PLPP4: variants seen among roughly 807,000 people sequenced by gnomAD.
PLPP4 encodes the protein phospholipid phosphatase 4.
PLPP4 carries 20 observed loss-of-function variants against 32.2 expected under a neutral mutation model. That is an observed-to-expected ratio of 0.62 (90% confidence interval 0.44 to 0.90). The LOEUF (loss-of-function observed/expected upper bound fraction) is 0.90, where lower values mean the gene tolerates loss of function less well. Ranked by LOEUF, PLPP4 falls within the 40% of genes least tolerant of loss-of-function variation. The pLI is 0.00. For missense variants in PLPP4, 257 were observed against 353.1 expected (o/e 0.73, Z 2.18); for synonymous variants, 127 against 133.0 (o/e 0.95, Z 0.31).
At chr10:120,507,761 G>A (rs542818091) in intron 2 of PLPP4, among the ~76,000 whole-genome samples, 3 of 152,192 alleles carry the variant, frequency 2.0e-5, no homozygotes, top group African/African-American at 4.8e-5. Context: ...GCTAAGAAAG[G>A]GGGCAGGGAT....
chr10:120,508,586 G>A (rs753428656), intron 2 of PLPP4, among the ~76,000 whole-genome samples: 6 of 152,294 alleles, frequency 3.9e-5, no homozygotes, highest in African/African-American at 9.6e-5. Context: ...GAAGCGCCCC[G>A]GCAGTGTGGT....
chr10:120,484,599 C>T (rs987094592), intron 1 of PLPP4, among the ~76,000 whole-genome samples: 1 of 152,204 alleles, frequency 6.6e-6, no homozygotes, highest in African/African-American at 2.4e-5. Context: ...CTAATTACCT[C>T]TTAAAGTTCC....
chr10:120,567,667 G>T (rs1483498486), intron 5 of PLPP4, among the ~76,000 whole-genome samples: 1 of 150,612 alleles, frequency 6.6e-6, no homozygotes, highest in East Asian at 2.0e-4. Flanking sequence ...TCATGTTGTT[G>T]CTGTTTGTTT....
chr10:120,488,855 G>A (rs1337159203), intron 1 of PLPP4, among the ~76,000 whole-genome samples: 1 of 152,150 alleles, frequency 6.6e-6, no homozygotes, highest in Non-Finnish European at 1.5e-5. Context: ...TTCCAGTTTT[G>A]ATGCTTGTTA....
At chr10:120,494,009 C>A (rs1320193537) in intron 1 of PLPP4, among the ~76,000 whole-genome samples, 3 of 152,100 alleles carry the variant, frequency 2.0e-5, no homozygotes, top group Non-Finnish European at 4.4e-5. Context: ...TAGCAGGAAG[C>A]TGAGACTCAC....
At chr10:120,466,254 C>A (rs1259440408) in intron 1 of PLPP4, among the ~76,000 whole-genome samples, 1 of 152,068 alleles carries the variant, frequency 6.6e-6, no homozygotes, top group Non-Finnish European at 1.5e-5. Flanking sequence ...GCATGGCCCA[C>A]TTCTGATGAA....
rs1190545458 is a variant in PLPP4, at chr10:120,591,205, C to T, written c.*1703C>T. Among the ~76,000 whole-genome samples the T allele has an allele frequency of 1.2e-4, 19 of 152,164 alleles. No homozygotes were observed. On this transcript the variant is annotated 3_prime_UTR_variant, in exon 7 of 7. Coordinates refer to ENST00000398250, the MANE Select transcript of PLPP4 (RefSeq NM_001030059.3). ...TCAGAATATCTTTGATCAGCCATTT[C>T]TGTTAAGCTCCATGGGCTTAAGCTT...
intron 2 of PLPP4, among the ~76,000 whole-genome samples, chr10:120,510,532 T>TC (rs1845681856): frequency 1.3e-5 from 2 of 152,152 alleles, no homozygotes; most frequent in Non-Finnish European, 2.9e-5. Context: ...CTTCATCTGC[T>TC]CCCCTGGCTC....
At chr10:120,521,350 A>G (rs926451814) in intron 5 of PLPP4, among the ~76,000 whole-genome samples, 2 of 152,068 alleles carry the variant, frequency 1.3e-5, no homozygotes, top group Non-Finnish European at 2.9e-5. Context: ...GTGATACTTT[A>G]CCCCTGCACA....
At chr10:120,487,228 T>A (rs1441228343) in intron 1 of PLPP4, among the ~76,000 whole-genome samples, 1 of 152,220 alleles carries the variant, frequency 6.6e-6, no homozygotes. Flanking sequence ...TTGAGCGTGG[T>A]GAGAGTAACT....
intron 5 of PLPP4, among the ~76,000 whole-genome samples, chr10:120,573,004 C>T (rs1447348923): frequency 1.3e-5 from 2 of 152,180 alleles, no homozygotes; most frequent in Non-Finnish European, 2.9e-5. Context: ...TCAGACCTAA[C>T]TCTGAAATCC....
chr10:120,559,162 C>A (rs1011780632), intron 5 of PLPP4, among the ~76,000 whole-genome samples: 1 of 152,142 alleles, frequency 6.6e-6, no homozygotes, highest in African/African-American at 2.4e-5. Context: ...CATACCTGTT[C>A]ATGCCTTTTG....
chr10:120,577,348 T>C (rs919972718), intron 6 of PLPP4, among the ~76,000 whole-genome samples: 1 of 152,222 alleles, frequency 6.6e-6, no homozygotes, highest in African/African-American at 2.4e-5. Context: ...CAACCTAGGA[T>C]GTGAGGCTGG....
At chr10:120,530,742 A>C (rs955321474) in intron 5 of PLPP4, among the ~76,000 whole-genome samples, 1 of 152,102 alleles carries the variant, frequency 6.6e-6, no homozygotes, top group Non-Finnish European at 1.5e-5. Context: ...CCTTTTTACT[A>C]AATGCTTGTG....
chr10:120,513,827 G>T, intron 2 of PLPP4, 84 bp from the exon 3 acceptor site: 1 of 1,038,802 alleles, frequency 9.6e-7, no homozygotes, highest in Non-Finnish European at 1.5e-6. Context: ...GAGTCTAAAT[G>T]AAACTAACGG....
chr10:120,531,344 T>G (rs953220245), intron 5 of PLPP4, among the ~76,000 whole-genome samples: 7 of 152,128 alleles, frequency 4.6e-5, no homozygotes, highest in Non-Finnish European at 7.4e-5. Flanking sequence ...GACCTCATGA[T>G]CCGACCGCCT....
chr10:120,582,845 G>A (rs995243251), intron 6 of PLPP4, among the ~76,000 whole-genome samples: 3 of 132,318 alleles, frequency 2.3e-5, no homozygotes, highest in Non-Finnish European at 3.1e-5. Flanking sequence ...TTGTCATTGT[G>A]TCTGTGTACC....
intron 1 of PLPP4, among the ~76,000 whole-genome samples, chr10:120,464,006 C>T (rs1336598960): frequency 1.3e-5 from 2 of 152,110 alleles, no homozygotes; most frequent in African/African-American, 4.8e-5. Context: ...ATGGGGTCTA[C>T]ATTGCCTATG....
chr10:120,552,451 T>C (rs577254534), intron 5 of PLPP4, among the ~76,000 whole-genome samples: 27 of 152,242 alleles, frequency 1.8e-4, no homozygotes, highest in Non-Finnish European at 3.1e-4. Context: ...TGGAATCTGA[T>C]TTGATTCTAA....
Sources: gnomAD v4.1 joint callset for allele counts (sites outside exome capture counted in the v4.1 genomes callset) on GRCh38, gnomAD v4.1.1 for gene constraint, MANE v1.5 for transcripts, NCBI Gene and HGNC (gene_info 2026-07-23, HGNC 2026-07-21) for gene names.